The following GRID2 variants were observed in gnomAD, a reference collection of about 807,000 sequenced individuals.
GRID2 encodes the protein glutamate receptor ionotropic, delta-2.
GRID2 carries 33 observed loss-of-function variants against 114.8 expected under a neutral mutation model. That is an observed-to-expected ratio of 0.29 (90% CI 0.22 to 0.38). The LOEUF (loss-of-function observed/expected upper bound fraction) is 0.38, where lower values mean the gene tolerates loss of function less well. Ranked by LOEUF, GRID2 falls within the 10% of genes least tolerant of loss-of-function variation. The pLI, the probability that GRID2 is intolerant of heterozygous loss-of-function variation, is 1.00. For missense variants in GRID2, 1,184 were observed against 1,257.7 expected (o/e 0.94, Z 0.89); for synonymous variants, 505 against 449.9 (o/e 1.12, Z -1.55).
chr4:93,748,190 G>A (rs1732012231), intron 14 of GRID2, among the ~76,000 whole-genome samples: 1 of 152,034 alleles, frequency 6.6e-6, no homozygotes, highest in Non-Finnish European at 1.5e-5. Flanking sequence ...ACAAAGTTGA[G>A]ACATTATACA....
intron 13 of GRID2, among the ~76,000 whole-genome samples, chr4:93,614,373 A>T (rs1274346740): frequency 1.3e-5 from 2 of 152,184 alleles, no homozygotes; most frequent in Non-Finnish European, 2.9e-5. Context: ...AAATGATTTG[A>T]TTTTATTTTC....
intron 1 of GRID2, among the ~76,000 whole-genome samples, chr4:92,441,462 G>A (rs962475724): frequency 6.6e-6 from 1 of 152,078 alleles, no homozygotes; most frequent in Non-Finnish European, 1.5e-5. Flanking sequence ...ATATAGAACA[G>A]AATAATGGAT....
intron 3 of GRID2, among the ~76,000 whole-genome samples, chr4:93,102,363 A>G (rs1292231180): frequency 6.6e-6 from 1 of 152,218 alleles, no homozygotes; most frequent in Admixed American, 6.5e-5. Context: ...AGTATTGACA[A>G]AATATCTTAG....
chr4:92,315,993 C>CAAAAAAAAAAAAAAAAAAAAAAGA (rs778361565), intron 1 of GRID2, among the ~76,000 whole-genome samples: 4 of 61,878 alleles, frequency 6.5e-5, no homozygotes, highest in African/African-American at 1.8e-4. Context: ...AAACAAAAAG[C>CAAAAAAAAAAAAAAAAAAAAAAGA]AAAAAAAAAA....
intron 2 of GRID2, among the ~76,000 whole-genome samples, chr4:92,717,745 T>C (rs926188802): frequency 6.6e-6 from 1 of 152,160 alleles, no homozygotes; most frequent in South Asian, 2.1e-4. Context: ...TACAAGAAAA[T>C]AGTGTTTTAT....
intron 13 of GRID2, among the ~76,000 whole-genome samples, chr4:93,582,771 G>A (rs59378471): frequency 0.037 from 5,656 of 151,930 alleles, 353 homozygotes; most frequent in African/African-American, 0.13. Context: ...ATTTAGATTG[G>A]GGAAATAAAT....
intron 4 of GRID2, chr4:93,204,050 C>G (rs924135799): frequency 1.1e-4 from 16 of 152,140 alleles, no homozygotes; most frequent in African/African-American, 3.6e-4. Context: ...CTAGCAGTTT[C>G]TACCACATGA....
chr4:93,793,504 C>T (rs545673468), intron 1 of GRID2, among the ~76,000 whole-genome samples: 13 of 152,222 alleles, frequency 8.5e-5, no homozygotes, highest in South Asian at 2.1e-4. Context: ...TGGTCTTAAA[C>T]GACAGATCAT....
chr4:92,714,816 C>T (rs113662068), intron 2 of GRID2, among the ~76,000 whole-genome samples: 326 of 152,256 alleles, frequency 2.1e-3, no homozygotes, highest in African/African-American at 7.6e-3. Context: ...GCAGAGGGAT[C>T]CTGGGCCCAG....
At chr4:92,917,261 C>T (rs1307301477) in intron 2 of GRID2, among the ~76,000 whole-genome samples, 3 of 151,968 alleles carry the variant, frequency 2.0e-5, no homozygotes, top group Non-Finnish European at 4.4e-5. Context: ...TGGATATTAG[C>T]CCTTTGTCAG....
chr4:93,306,021 T>C (rs1755382895), intron 8 of GRID2: 1 of 152,244 alleles, frequency 6.6e-6, no homozygotes, highest in Non-Finnish European at 1.5e-5. Flanking sequence ...CATACACTTG[T>C]TACCTGATTA....
chr4:92,704,061 G>T (rs1352691712), intron 2 of GRID2, among the ~76,000 whole-genome samples: 1 of 151,912 alleles, frequency 6.6e-6, no homozygotes, highest in Admixed American at 6.6e-5. Context: ...TAGATCACGA[G>T]GTCAGGAGAT....
chr4:93,068,372 G>A (rs1728498065), intron 2 of GRID2, among the ~76,000 whole-genome samples: 1 of 152,028 alleles, frequency 6.6e-6, no homozygotes, highest in South Asian at 2.1e-4. Context: ...ATTTGTGGGG[G>A]TGAAAGGAGA....
chr4:92,446,563 T>A (rs1733481148), intron 1 of GRID2, among the ~76,000 whole-genome samples: 1 of 152,234 alleles, frequency 6.6e-6, no homozygotes, highest in African/African-American at 2.4e-5. Flanking sequence ...TTCTCTGATA[T>A]GGGAGATTCA....
intron 1 of GRID2, among the ~76,000 whole-genome samples, chr4:92,445,474 A>T (rs964144575): frequency 1.3e-5 from 2 of 152,210 alleles, no homozygotes; most frequent in African/African-American, 4.8e-5. Context: ...GATTTTATTA[A>T]ACTTTCATGT....
intron 2 of GRID2, among the ~76,000 whole-genome samples, chr4:92,759,765 G>C (rs1342130735): frequency 6.6e-6 from 1 of 151,470 alleles, no homozygotes; most frequent in Non-Finnish European, 1.5e-5. Flanking sequence ...CACCATGCCG[G>C]GCTTTTTTTT....
intron 2 of GRID2, among the ~76,000 whole-genome samples, chr4:92,663,112 A>G (rs574086629): frequency 2.6e-5 from 4 of 151,212 alleles, no homozygotes; most frequent in Non-Finnish European, 5.9e-5. Flanking sequence ...ACACATATAA[A>G]AAGCCAAACT....
At chr4:93,683,579 G>C (rs76831423) in intron 14 of GRID2, among the ~76,000 whole-genome samples, 4,647 of 152,054 alleles carry the variant, frequency 0.031, 111 homozygotes, top group African/African-American at 0.062. Flanking sequence ...TTTTTATTTT[G>C]TTTAGCTAAA....
chr4:93,721,283 A>C (rs1729347652), intron 14 of GRID2, among the ~76,000 whole-genome samples: 1 of 152,226 alleles, frequency 6.6e-6, no homozygotes, highest in African/African-American at 2.4e-5. Context: ...TCGAATATTA[A>C]AAAATGTAAG....
Sources: gnomAD v4.1 joint callset for allele counts (sites outside exome capture counted in the v4.1 genomes callset) on GRCh38, gnomAD v4.1.1 for gene constraint, MANE v1.5 for transcripts, NCBI Gene and HGNC (gene_info 2026-07-23, HGNC 2026-07-21) for gene names.